Variants in FMNL2 observed in about 807,000 individuals in gnomAD.
FMNL2 encodes the protein formin-like protein 2.
In FMNL2, 51 loss-of-function variants were observed where a neutral mutation model predicts 130.2. That is an observed-to-expected ratio of 0.39 (90% CI 0.31 to 0.49). FMNL2 has a LOEUF of 0.49. Ranked by LOEUF, FMNL2 falls within the 20% of genes least tolerant of loss-of-function variation. The pLI, the probability that FMNL2 is intolerant of heterozygous loss-of-function variation, is 0.85. For missense variants in FMNL2, 977 were observed against 1,316.2 expected (o/e 0.74, Z 3.99); for synonymous variants, 465 against 467.1 (o/e 1.00, Z 0.06).
rs894841317 is a variant in FMNL2, at chr2:152,645,663, T to G, written c.3170-2133T>G. On this transcript the variant is annotated intron_variant, in intron 25 of 25. Coordinates refer to ENST00000288670, the MANE Select transcript of FMNL2 (RefSeq NM_052905.4). The stretch of plus-strand genomic sequence containing the variant: ...CCTCACATTCCAATGATGCAGGGAT[T>G]GAGCCTCTCTGTTGGACTCTTTCTC... 6 of 424,366 alleles carry G rather than the reference T, an allele frequency of 1.4e-5. No homozygotes were observed. In the East Asian group the frequency reaches 3.6e-4, roughly 26 times the overall value. 26.3% of individuals were successfully genotyped at this position (424,366 alleles called of 1,614,324 possible).
intron 1 of FMNL2, among the ~76,000 whole-genome samples, chr2:152,410,753 T>C (rs1394326553): frequency 6.6e-6 from 1 of 152,242 alleles, no homozygotes; most frequent in South Asian, 2.1e-4. Flanking sequence ...CATAAACTTA[T>C]TCTTCTGGGT....
intron 9 of FMNL2, among the ~76,000 whole-genome samples, chr2:152,598,458 G>A (rs1697878695): frequency 1.3e-5 from 2 of 152,198 alleles, no homozygotes; most frequent in Non-Finnish European, 2.9e-5. Flanking sequence ...GGAGGCTGCG[G>A]TGGGTGGATC....
At chr2:152,435,661 T>C (rs1687718585) in intron 1 of FMNL2, among the ~76,000 whole-genome samples, 1 of 152,080 alleles carries the variant, frequency 6.6e-6, no homozygotes, top group Non-Finnish European at 1.5e-5. Flanking sequence ...CTCTAGAGCG[T>C]CTCTCTTGAA....
intron 1 of FMNL2, among the ~76,000 whole-genome samples, chr2:152,463,732 C>T (rs562538666): frequency 1.3e-5 from 2 of 152,304 alleles, no homozygotes; most frequent in African/African-American, 4.8e-5. Flanking sequence ...ATCCCCTTTC[C>T]CTCTCCCCTA....
At chr2:152,500,002 T>C (rs866557073) in intron 1 of FMNL2, among the ~76,000 whole-genome samples, 1 of 152,096 alleles carries the variant, frequency 6.6e-6, no homozygotes, top group Non-Finnish European at 1.5e-5. Context: ...TGCTTTCTCT[T>C]TTGCAGTCTG....
At chr2:152,410,108 A>G (rs1398746566) in intron 1 of FMNL2, among the ~76,000 whole-genome samples, 5 of 152,360 alleles carry the variant, frequency 3.3e-5, no homozygotes, top group East Asian at 3.9e-4. Flanking sequence ...AGAACAGCCA[A>G]TAGTCTTTCA....
intron 9 of FMNL2, among the ~76,000 whole-genome samples, chr2:152,606,534 A>T (rs1698363116): frequency 6.6e-6 from 1 of 151,944 alleles, no homozygotes; most frequent in South Asian, 2.1e-4. Flanking sequence ...GTGAGCTATC[A>T]TTGTGCTACC....
At chr2:152,623,835 C>T (rs561058778) in intron 15 of FMNL2, among the ~76,000 whole-genome samples, 1 of 151,634 alleles carries the variant, frequency 6.6e-6, no homozygotes, top group Non-Finnish European at 1.5e-5. Flanking sequence ...TTGGCATATT[C>T]CCGCACAGTG....
intron 1 of FMNL2, among the ~76,000 whole-genome samples, chr2:152,351,628 TCTTTG>T (rs2105778369): frequency 6.6e-6 from 1 of 152,320 alleles, no homozygotes; most frequent in East Asian, 1.9e-4. Flanking sequence ...TGGTTCCAAG[TCTTTG>T]CTATTGTAAA....
rs114470363 is a variant in FMNL2, at chr2:152,573,987, A to G, written c.597-1149A>G. ...CCCTTTGTGTTAATGTTTGGGAAGTAGAATATTATTCTAATTAATTTTGTT... is the reference window on the plus strand; with the variant it reads ...CCCTTTGTGTTAATGTTTGGGAAGTGGAATATTATTCTAATTAATTTTGTT... On this transcript the variant is annotated intron_variant, in intron 6 of 25. Coordinates refer to ENST00000288670, the MANE Select transcript of FMNL2 (RefSeq NM_052905.4). Among the ~76,000 whole-genome samples, 603 of 152,378 alleles carry G rather than the reference A, an allele frequency of 4.0e-3. 2 individuals carry two copies. The highest frequency in any genetic ancestry group is 0.014 in the African/African-American group (567 of 41,596).
At chr2:152,515,661 T>A (rs928630707) in intron 1 of FMNL2, among the ~76,000 whole-genome samples, 1 of 152,202 alleles carries the variant, frequency 6.6e-6, no homozygotes, top group Admixed American at 6.5e-5. Context: ...GTCCTGGCTT[T>A]GCCACCTACC....
intron 2 of FMNL2, among the ~76,000 whole-genome samples, chr2:152,528,041 A>C (rs1459207369): frequency 1.3e-5 from 2 of 152,200 alleles, no homozygotes; most frequent in East Asian, 3.9e-4. Flanking sequence ...CAATATTTTC[A>C]AATCAATTTT....
chr2:152,484,753 C>T (rs1690723737), intron 1 of FMNL2, among the ~76,000 whole-genome samples: 1 of 152,172 alleles, frequency 6.6e-6, no homozygotes, highest in Admixed American at 6.5e-5. Context: ...CAGAGTGAGA[C>T]CCTGTCTCTA....
chr2:152,467,880 G>T (rs116659903), intron 1 of FMNL2, among the ~76,000 whole-genome samples: 1 of 152,306 alleles, frequency 6.6e-6, no homozygotes, highest in African/African-American at 2.4e-5. Flanking sequence ...TCATTTAATT[G>T]TCAAAATAAC....
intron 21 of FMNL2, among the ~76,000 whole-genome samples, chr2:152,633,288 G>T (rs1682307741): frequency 6.6e-6 from 1 of 152,116 alleles, no homozygotes; most frequent in South Asian, 2.1e-4. Flanking sequence ...TAGAGATGGG[G>T]TCTCCCTGTG....
At chr2:152,587,058 T>TA (rs1158479075) in intron 9 of FMNL2, among the ~76,000 whole-genome samples, 1 of 152,192 alleles carries the variant, frequency 6.6e-6, no homozygotes, top group African/African-American at 2.4e-5. Flanking sequence ...CAGCTGGGAC[T>TA]ATCAACCAGA....
intron 1 of FMNL2, among the ~76,000 whole-genome samples, chr2:152,450,219 C>T (rs1298239592): frequency 2.0e-5 from 3 of 152,040 alleles, no homozygotes; most frequent in Non-Finnish European, 4.4e-5. Context: ...TTAATCAGAA[C>T]TTGTAGTTAA....
intron 1 of FMNL2, among the ~76,000 whole-genome samples, chr2:152,397,904 A>C (rs534606878): frequency 4.3e-4 from 66 of 152,318 alleles, no homozygotes; most frequent in African/African-American, 1.5e-3. Context: ...CAGGCGGATC[A>C]CCTGAGGTCA....
At chr2:152,634,558 C>A (rs766063869) in intron 21 of FMNL2, among the ~76,000 whole-genome samples, 1 of 152,214 alleles carries the variant, frequency 6.6e-6, no homozygotes, top group Admixed American at 6.5e-5. Flanking sequence ...CTTCTAGATT[C>A]AACAACTCTT....
Sources: gnomAD v4.1 joint callset for allele counts (sites outside exome capture counted in the v4.1 genomes callset) on GRCh38, gnomAD v4.1.1 for gene constraint, MANE v1.5 for transcripts, NCBI Gene and HGNC (gene_info 2026-07-23, HGNC 2026-07-21) for gene names.